The following TNRC6A variants were observed in gnomAD, a reference collection of about 807,000 sequenced individuals.
TNRC6A encodes trinucleotide repeat-containing gene 6A protein.
A neutral mutation model predicts 221.2 loss-of-function variants in TNRC6A; 44 were observed. That is an observed-to-expected ratio of 0.20 (90% CI 0.16 to 0.26). The LOEUF (loss-of-function observed/expected upper bound fraction) is 0.26. Ranked by LOEUF, TNRC6A falls within the 10% of genes least tolerant of loss-of-function variation. The pLI, the probability that TNRC6A is intolerant of heterozygous loss-of-function variation, is 1.00. For missense variants in TNRC6A, 2,199 were observed against 2,404.4 expected, an observed-to-expected ratio of 0.91 and a Z score of 1.79; for synonymous variants, 847 against 838.5, an observed-to-expected ratio of 1.01 and a Z score of -0.18.
At chr16:24,640,498 C>T (rs1011859270) in intron 1 of TNRC6A, among the ~76,000 whole-genome samples, 2 of 151,548 alleles carry the variant, frequency 1.3e-5, no homozygotes, top group Non-Finnish European at 2.9e-5. Flanking sequence ...GAAGCTGAGG[C>T]GGGTGGATTG....
At chr16:24,669,125 T>C (rs2055236273) in intron 2 of TNRC6A, among the ~76,000 whole-genome samples, 1 of 151,926 alleles carries the variant, frequency 6.6e-6, no homozygotes. Context: ...ACAATGTGAG[T>C]GGTACTCAGG....
At position 24,731,121 on chromosome 16, in the gene TNRC6A, T is replaced by C. The variant is rs1008146992; in HGVS notation, c.53+821T>C. On this transcript the variant is annotated intron_variant, in intron 2 of 24. Transcript: ENST00000395799. The stretch of plus-strand genomic sequence containing the variant: ...TTTCCTACCGTCTTTTCCTTTCTTA[T>C]TCCCCTTTTTCTTTTGCATCATATT... 2.6e-5 allele frequency among the ~76,000 whole-genome samples: 4 copies of C among 152,206 alleles called. No individual in the cohort carries two copies. In the East Asian group the frequency reaches 5.8e-4, roughly 22 times the overall value.
chr16:24,781,081 G>A (rs728322), intron 5 of TNRC6A, among the ~76,000 whole-genome samples: 5,257 of 114,794 alleles, frequency 0.046, 415 homozygotes, highest in East Asian at 0.35. Flanking sequence ...AGGAGACAGC[G>A]TCTTACTTTG....
intron 2 of TNRC6A, among the ~76,000 whole-genome samples, chr16:24,702,559 A>AT (rs372779869): frequency 1.9e-4 from 29 of 152,068 alleles, no homozygotes; most frequent in African/African-American, 6.3e-4. Flanking sequence ...TGAAATTGTC[A>AT]TTTTTTCAGT....
intron 2 of TNRC6A, among the ~76,000 whole-genome samples, chr16:24,683,256 G>A (rs2055567621): frequency 6.6e-6 from 1 of 152,108 alleles, no homozygotes; most frequent in African/African-American, 2.4e-5. Context: ...GAGTGCAGTG[G>A]CACAATCATA....
chr16:24,737,835 T>C (rs1374983199), intron 2 of TNRC6A, among the ~76,000 whole-genome samples: 1 of 142,194 alleles, frequency 7.0e-6, no homozygotes, highest in Non-Finnish European at 1.6e-5. Context: ...TCTTTTGAAG[T>C]TTCCCTAAAA....
rs2058051773 is a variant in TNRC6A, at chr16:24,789,590, C to T, written c.948C>T (p.Ser316=). The stretch of plus-strand genomic sequence containing the variant: ...GTAGTACTGGGCCATGGGGTTTTTC[C>T]CATGGAGCCATAATAAGCACATGTC... ...HGSSTGPWGF[S]HGAIISTCQV... Residue 316 remains serine (S), a synonymous_variant, in exon 6 of 25, where the codon TCC becomes TCT. Transcript: ENST00000395799. 1 of 1,613,860 alleles carries T rather than the reference C, an allele frequency of 6.2e-7. No individual in the cohort carries two copies. Among genetic ancestry groups the T allele is most frequent in the Non-Finnish European group, 8.5e-7 (1 of 1,180,022 alleles).
At chr16:24,617,178 T>C (rs1596538893) in intron 1 of TNRC6A, among the ~76,000 whole-genome samples, 1 of 151,560 alleles carries the variant, frequency 6.6e-6, no homozygotes, top group South Asian at 2.1e-4. Flanking sequence ...CAGGCTGGAG[T>C]GCAGTGGTGC....
intron 1 of TNRC6A, among the ~76,000 whole-genome samples, chr16:24,624,557 C>G (rs1328474133): frequency 6.6e-6 from 1 of 152,178 alleles, no homozygotes; most frequent in African/African-American, 2.4e-5. Context: ...TGGCTCACTG[C>G]AGCCTTGAAC....
intron 2 of TNRC6A, among the ~76,000 whole-genome samples, chr16:24,741,243 A>C (rs2056885768): frequency 6.6e-6 from 1 of 152,176 alleles, no homozygotes; most frequent in African/African-American, 2.4e-5. Flanking sequence ...TCTTGAGGAA[A>C]AGTATGCAGT....
chr16:24,703,008 C>T (rs1377662086), intron 2 of TNRC6A, among the ~76,000 whole-genome samples: 1 of 151,788 alleles, frequency 6.6e-6, no homozygotes, highest in Non-Finnish European at 1.5e-5. Context: ...GCACTCCAGC[C>T]TGGGTGACAG....
chr16:24,645,987 T>C (rs1902269491), intron 2 of TNRC6A, among the ~76,000 whole-genome samples: 1 of 151,566 alleles, frequency 6.6e-6, no homozygotes, highest in Non-Finnish European at 1.5e-5. Context: ...CCACTGCACT[T>C]CAGCCTGGGC....
intron 2 of TNRC6A, among the ~76,000 whole-genome samples, chr16:24,724,474 GGT>G (rs1222071659): frequency 6.6e-6 from 1 of 152,084 alleles, no homozygotes; most frequent in African/African-American, 2.4e-5. Context: ...GGCTGTGCGT[GGT>G]GGCTCACACC....
chr16:24,664,918 G>A (rs992111573), intron 2 of TNRC6A: 10 of 455,842 alleles, frequency 2.2e-5, no homozygotes, highest in Admixed American at 4.7e-5. Flanking sequence ...CGGAAGTGAC[G>A]ACAGACAGAA....
chr16:24,651,538 CAAAAAAAAAAAA>C (rs768568973), intron 2 of TNRC6A, among the ~76,000 whole-genome samples: 1 of 48,754 alleles, frequency 2.1e-5, no homozygotes, highest in Non-Finnish European at 4.0e-5. Flanking sequence ...AACTCCATCT[CAAAAAAAAAAAA>C]AAAAAAAAAA....
chr16:24,683,487 G>A lies in TNRC6A; in HGVS notation n.402+42478G>A, dbSNP rs139168360. ...GCTTGGATTACAGGCATGAGCCACC[G>A]TGCCCAGCCCCTATCCTGCAGTTTT... On this transcript the variant is annotated intron_variant and non_coding_transcript_variant, in intron 2 of 2. Transcript: ENST00000566108. Among the ~76,000 whole-genome samples, 262 of 152,250 alleles carry A rather than the reference G, an allele frequency of 1.7e-3. 1 individual carries two copies. Among genetic ancestry groups the A allele is most frequent in the Admixed American group, 3.8e-3 (58 of 15,270 alleles).
chr16:24,627,266 G>A (rs1011151524), intron 1 of TNRC6A, among the ~76,000 whole-genome samples: 5 of 151,994 alleles, frequency 3.3e-5, no homozygotes, highest in Non-Finnish European at 4.4e-5. Context: ...CATCAGCCTC[G>A]ATTGTTTCGG....
chr16:24,761,789 C>T (rs1336566713), intron 4 of TNRC6A, among the ~76,000 whole-genome samples: 1 of 152,148 alleles, frequency 6.6e-6, no homozygotes, highest in East Asian at 1.9e-4. Context: ...CCTCAGGCTC[C>T]TGAGTAGTTG....
rs755482142 is a variant in TNRC6A, at chr16:24,815,282, C to A, written c.4808C>A (p.Ser1603Tyr). ...GWPRAKSPNG[S>Y]SSVNWPPEFR... ...CCACGTGCCAAATCGCCTAACGGCT[C>A]TAGCAGTGTTAATTGGCCACCAGGT... is the stretch of plus-strand genomic sequence containing the variant. The change falls in exon 19 of 25, where the codon TCT becomes TAT. Residue 1603 changes from serine (S) to tyrosine (Y), a missense_variant. Ser to Tyr is a moderately radical substitution (Grantham distance 144, BLOSUM62 -2). Transcript: ENST00000395799. 4 of 1,614,112 alleles carry A rather than the reference C, an allele frequency of 2.5e-6. No homozygotes were observed.
Sources: allele counts gnomAD v4.1 joint callset (sites outside exome capture counted in the v4.1 genomes callset), GRCh38; gene constraint gnomAD v4.1.1; transcripts MANE v1.5; gene names NCBI Gene and HGNC (gene_info 2026-07-23, HGNC 2026-07-21).